ITGB1BP1: variants seen among roughly 807,000 people sequenced by gnomAD.
ITGB1BP1 encodes the protein integrin beta-1-binding protein 1.
In ITGB1BP1, 20 loss-of-function variants were observed where a neutral mutation model predicts 28.0. The observed-to-expected ratio is 0.71, with a 90% CI of 0.50 to 1.04. ITGB1BP1 has a LOEUF of 1.04. Ranked by LOEUF, ITGB1BP1 falls within the 50% of genes least tolerant of loss-of-function variation. ITGB1BP1 has a pLI of 0.00. For synonymous variants in ITGB1BP1, 103 were observed against 89.5 expected (o/e 1.15, Z -0.85); for missense variants, 228 against 242.5 (o/e 0.94, Z 0.40).
chr2:9,423,445 C>G lies in ITGB1BP1; in HGVS notation c.-108G>C. 2.6e-6 allele frequency: 3 copies of G among 1,155,004 alleles called. No individual in the cohort carries two copies. The highest frequency in any genetic ancestry group is 3.2e-6 in the Non-Finnish European group (3 of 930,318). The allele number at this position is 1,155,004 out of a possible 1,614,324, so 71.5% of individuals were successfully genotyped here. ...TGGGAGTGCCGCGGCCTTTGGCGCC[C>G]AGGCAGCTACTCCCGTTCCCGCTCC... On this transcript the variant is annotated 5_prime_UTR_variant, in exon 1 of 7. Transcript: ENST00000355346.
rs1677010174 is a variant in ITGB1BP1 at position 9,404,358 on chromosome 2, G to T, written c.*2476C>A. ...TCTGTTTATAATCAAGAACATATCA[G>T]AAATATATAGGTCCCAGGTAATACT... is the stretch of plus-strand genomic sequence containing the variant. On this transcript the variant is annotated 3_prime_UTR_variant, in exon 7 of 7. Transcript: ENST00000355346. 6.6e-6 allele frequency: 1 copy of T among 152,188 alleles called. No individual in the cohort carries two copies. The highest frequency in any genetic ancestry group is 6.5e-5 in the Admixed American group (1 of 15,274). The allele number at this position is 152,188 out of a possible 1,614,324, so 9.4% of individuals were successfully genotyped here. A position where few individuals can be genotyped will look rare whatever the true frequency, so the allele number is the denominator to read the frequency against.
chr2:9,407,043 T>C (rs1266726425), intron 6 of ITGB1BP1, 138 bp from the exon 7 acceptor site: 1 of 680,390 alleles, frequency 1.5e-6, no homozygotes, highest in Non-Finnish European at 2.7e-6. Context: ...CCTGGGTCAG[T>C]GGAACCCATA....
intron 6 of ITGB1BP1, 157 bp from the exon 7 acceptor site, chr2:9,407,062 T>C (rs766856205): frequency 1.2e-4 from 76 of 641,780 alleles, no homozygotes; most frequent in Non-Finnish European, 1.8e-4. Context: ...TACTATGAGC[T>C]TCCCTGCACG....
At chr2:9,423,021 G>A in intron 1 of ITGB1BP1, 1 of 990,642 alleles carries the variant, frequency 1.0e-6, no homozygotes, top group Non-Finnish European at 1.2e-6. Flanking sequence ...GGATGTGACA[G>A]CGAAGGGGAC....
Position 9,404,844 on chromosome 2 carries a change from G to A in ITGB1BP1, c.*1990C>T, listed in dbSNP as rs1677077998. ...TAGCAATCGCTTTTTACCTTTCAAA[G>A]TTCCGGGTAAAAATGTGTTATATCT... On this transcript the variant is annotated 3_prime_UTR_variant, in exon 7 of 7. Transcript: ENST00000355346. 1 of 152,094 alleles carries A rather than the reference G, an allele frequency of 6.6e-6. No individual in the cohort carries two copies. Among genetic ancestry groups the A allele is most frequent in the Non-Finnish European group, 1.5e-5 (1 of 67,974 alleles). 9.4% of individuals were successfully genotyped at this position (152,094 alleles called of 1,614,324 possible).
At chr2:9,419,343 T>C (rs1679515053) in intron 1 of ITGB1BP1, among the ~76,000 whole-genome samples, 1 of 152,180 alleles carries the variant, frequency 6.6e-6, no homozygotes, top group Admixed American at 6.5e-5. Context: ...TTTAGCAAAA[T>C]ATACTATGAC....
At chr2:9,423,062 G>A in intron 1 of ITGB1BP1, 1 of 997,462 alleles carries the variant, frequency 1.0e-6, no homozygotes, top group Non-Finnish European at 1.2e-6. Context: ...GGCGGGAGGC[G>A]GCCGAAGCGG....
chr2:9,422,272 A>T (rs1170935863), intron 1 of ITGB1BP1, among the ~76,000 whole-genome samples: 1 of 152,204 alleles, frequency 6.6e-6, no homozygotes, highest in Non-Finnish European at 1.5e-5. Flanking sequence ...TCAGAGACCA[A>T]AGTCAACGTT....
chr2:9,408,151 A>C lies in ITGB1BP1; in HGVS notation c.343T>G (p.Ser115Ala). The change falls in exon 5 of 7, where the codon TCC becomes GCC. Residue 115 changes from serine to alanine, a missense_variant. Ser to Ala is a moderately conservative substitution (Grantham distance 99). Coordinates refer to ENST00000355346, the MANE Select transcript of ITGB1BP1 (RefSeq NM_004763.5). ...PPEEEFIMGV[S>A]KYGIKVSTSD... ...GTTGATACTTTTATGCCATACTTGG[A>C]AACTCCCATAATAAATTCTTCCTCC... The C allele has an allele frequency of 6.3e-7, 1 of 1,599,298 alleles. No individual in the cohort carries two copies.
At chr2:9,408,380 T>C (rs1677837505) in intron 4 of ITGB1BP1, 175 bp from the exon 5 acceptor site, 2 of 577,322 alleles carry the variant, frequency 3.5e-6, no homozygotes, top group Admixed American at 3.1e-5. Flanking sequence ...TTTCCCCCCA[T>C]TTACAAAAAG....
intron 2 of ITGB1BP1, among the ~76,000 whole-genome samples, chr2:9,417,027 C>T (rs1572724108): frequency 6.6e-6 from 1 of 152,222 alleles, no homozygotes; most frequent in Middle Eastern, 3.4e-3. Context: ...GTCCAAGCCC[C>T]CATCATCTCT....
chr2:9,411,421 C>CGGGCA (rs1678367555), intron 4 of ITGB1BP1, among the ~76,000 whole-genome samples: 1 of 152,028 alleles, frequency 6.6e-6, no homozygotes, highest in Non-Finnish European at 1.5e-5. Flanking sequence ...TTGATCAGCC[C>CGGGCA]CATAAAAAAG....
chr2:9,404,021 T>C lies in ITGB1BP1; in HGVS notation c.*2813A>G, dbSNP rs1346045781. The C allele has an allele frequency of 6.6e-6, 1 of 152,252 alleles. No homozygotes were observed. Among genetic ancestry groups the C allele is most frequent in the Non-Finnish European group, 1.5e-5 (1 of 68,034 alleles). The allele number at this position is 152,252 out of a possible 1,614,324, so 9.4% of individuals were successfully genotyped here. A position where few individuals can be genotyped will look rare whatever the true frequency, so the allele number is the denominator to read the frequency against. On this transcript the variant is annotated 3_prime_UTR_variant, in exon 7 of 7. Transcript: ENST00000355346. Reference sequence around the variant, plus strand: ...CATTCTGTTCCAGGTTATATAAAACTGCATTTCCTGAATTTGGTTAAAAAC... The same window carrying C: ...CATTCTGTTCCAGGTTATATAAAACCGCATTTCCTGAATTTGGTTAAAAAC...
At chr2:9,423,307 C>A in intron 1 of ITGB1BP1, 66 bp downstream of exon 1, 1 of 1,223,836 alleles carries the variant, frequency 8.2e-7, no homozygotes, top group Non-Finnish European at 1.0e-6. Flanking sequence ...GCGCCGCTCT[C>A]GGGACCGTGT....
chr2:9,416,370 C>A (rs1679135773), intron 2 of ITGB1BP1, among the ~76,000 whole-genome samples: 1 of 152,278 alleles, frequency 6.6e-6, no homozygotes. Flanking sequence ...AACGTCTACA[C>A]CAGCAGACAT....
intron 6 of ITGB1BP1, 52 bp downstream of exon 6, chr2:9,407,397 T>C (rs1252775445): frequency 6.2e-7 from 1 of 1,601,658 alleles, no homozygotes; most frequent in Non-Finnish European, 8.6e-7. Flanking sequence ...CAGTAGTCCC[T>C]GGGTGTTGCG....
At chr2:9,416,806 A>G (rs1679201110) in intron 2 of ITGB1BP1, among the ~76,000 whole-genome samples, 1 of 152,096 alleles carries the variant, frequency 6.6e-6, no homozygotes, top group African/African-American at 2.4e-5. Context: ...GGTGTCAATC[A>G]TGTCTCAAAT....
At chr2:9,420,328 T>C (rs1679652878) in intron 1 of ITGB1BP1, 2 of 152,230 alleles carry the variant, frequency 1.3e-5, no homozygotes, top group Non-Finnish European at 2.9e-5. Context: ...GAAAATCTGA[T>C]TTATTCATTC....
In ITGB1BP1 at chr2:9,415,015, G is replaced by A. The variant is rs562258769; in HGVS notation, c.73-759C>T. ...TCTCAGTACTTTGGGAGGCTGAGGCGGGTGGATCACCTGAGGACAGGAGTT... is the reference window on the plus strand; with the variant it reads ...TCTCAGTACTTTGGGAGGCTGAGGCAGGTGGATCACCTGAGGACAGGAGTT... On this transcript the variant is annotated intron_variant, in intron 2 of 6. Coordinates refer to ENST00000355346, the MANE Select transcript of ITGB1BP1 (RefSeq NM_004763.5). The surrounding 1 kb of genome is among the most constrained non-coding windows in gnomAD (Gnocchi z 4.1). 8.1e-4 allele frequency among the ~76,000 whole-genome samples: 123 copies of A among 152,108 alleles called. 1 individual carries two copies. Among genetic ancestry groups the A allele is most frequent in the African/African-American group, 2.9e-3 (120 of 41,490 alleles).
Sources: allele counts gnomAD v4.1 joint callset (sites outside exome capture counted in the v4.1 genomes callset), GRCh38; gene constraint gnomAD v4.1.1; non-coding constraint Gnocchi (gnomAD v3.1); transcripts MANE v1.5; gene names NCBI Gene and HGNC (gene_info 2026-07-23, HGNC 2026-07-21).